The following MCPH1 variants were observed in gnomAD, a reference collection of about 807,000 sequenced individuals.
MCPH1 encodes microcephalin 1.
MCPH1 carries 104 observed loss-of-function variants against 84.5 expected under a neutral mutation model. The observed-to-expected ratio is 1.23, with a 90% confidence interval of 1.05 to 1.45. MCPH1 has a LOEUF of 1.45. MCPH1 is among the 40% of genes most tolerant of loss of function. The pLI is 0.00. For missense variants in MCPH1, 1,498 were observed against 1,005.7 expected (o/e 1.49, Z -6.62); for synonymous variants, 514 against 366.8 (o/e 1.40, Z -4.58).
intron 12 of MCPH1, among the ~76,000 whole-genome samples, chr8:6,583,376 AC>A (rs1235263193): frequency 1.2e-4 from 18 of 152,226 alleles, no homozygotes; most frequent in Non-Finnish European, 1.9e-4. Context: ...ACAAAAACAC[AC>A]ACAAATATTT....
chr8:6,622,520 A>T (rs1279526092), intron 13 of MCPH1, among the ~76,000 whole-genome samples: 1 of 152,190 alleles, frequency 6.6e-6, no homozygotes, highest in Non-Finnish European at 1.5e-5. Context: ...GAAATCCCAC[A>T]CCCTCCTCCA....
chr8:6,568,715 C>G (rs1311224253), intron 12 of MCPH1, among the ~76,000 whole-genome samples: 1 of 152,220 alleles, frequency 6.6e-6, no homozygotes, highest in Non-Finnish European at 1.5e-5. Context: ...TTTGTGCTGA[C>G]ATCGTTTTCC....
chr8:6,581,601 A>T (rs1827571538), intron 12 of MCPH1, among the ~76,000 whole-genome samples: 1 of 152,334 alleles, frequency 6.6e-6, no homozygotes, highest in East Asian at 1.9e-4. Flanking sequence ...CACAGTTAGG[A>T]AGTTACATGA....
At position 6,515,947 on chromosome 8, in the gene MCPH1, G is replaced by A. The variant is rs147790525; in HGVS notation, c.2214+16018G>A. Among the ~76,000 whole-genome samples the A allele has an allele frequency of 3.6e-3, 544 of 152,298 alleles. 4 individuals carry two copies. The highest frequency in any genetic ancestry group is 0.011 in the African/African-American group (459 of 41,568). On this transcript the variant is annotated intron_variant, in intron 12 of 13. Transcript: ENST00000344683. ...ATGAGGAAAGAGGGGTGCAGAGGAA[G>A]TGCAGTGGCTGCCTGATGCCTCATT...
chr8:6,536,056 C>CA (rs1563084857), intron 12 of MCPH1, among the ~76,000 whole-genome samples: 1 of 150,580 alleles, frequency 6.6e-6, no homozygotes. Flanking sequence ...GACCTTGTCT[C>CA]AAAAAAAGAA....
rs374793979 is a variant in MCPH1 at position 6,444,390 on chromosome 8, C to T, written c.671-3C>T. 2.4e-5 allele frequency: 38 copies of T among 1,613,874 alleles called. No homozygotes were observed. The highest frequency in any genetic ancestry group is 2.8e-5 in the Non-Finnish European group (33 of 1,179,988). On this transcript the variant is annotated splice_polypyrimidine_tract_variant and splice_region_variant and intron_variant, in intron 7 of 13. Transcript: ENST00000344683. ...AAGTTAGCTCTCCGTTAATGTTTTC[C>T]AGATGAATACTTTGCTGGTGGCTTA...
chr8:6,631,286 A>G (rs1258795122), intron 13 of MCPH1, among the ~76,000 whole-genome samples: 1 of 152,276 alleles, frequency 6.6e-6, no homozygotes, highest in Non-Finnish European at 1.5e-5. Context: ...GGCACAGCTC[A>G]TGAAAGCCAC....
At position 6,520,136 on chromosome 8, in the gene MCPH1, A is replaced by T. The variant is rs567105951; in HGVS notation, c.2214+20207A>T. On this transcript the variant is annotated intron_variant, in intron 12 of 13. Coordinates refer to ENST00000344683, the MANE Select transcript of MCPH1 (RefSeq NM_024596.5). ...GCTGTACCACTTTTTTAACCTTTCTAGAAAGTTTCCTTTCAGCCTGTTTTC... is the reference window on the plus strand; with the variant it reads ...GCTGTACCACTTTTTTAACCTTTCTTGAAAGTTTCCTTTCAGCCTGTTTTC... 3.3e-5 allele frequency: 29 copies of T among 889,768 alleles called. No homozygotes were observed. In the East Asian group the frequency reaches 7.6e-4, roughly 23 times the overall value. 55.1% of individuals were successfully genotyped at this position (889,768 alleles called of 1,614,324 possible).
chr8:6,576,498 T>TCCCTTTCCCTTCCCCTTC (rs1554462025), intron 12 of MCPH1, among the ~76,000 whole-genome samples: 3 of 139,712 alleles, frequency 2.1e-5, no homozygotes, highest in East Asian at 2.2e-4. Flanking sequence ...CTTTTCCCTT[T>TCCCTTTCCCTTCCCCTTC]CCCTTCCCCT....
chr8:6,619,341 A>G (rs1465672260), intron 12 of MCPH1: 2 of 152,326 alleles, frequency 1.3e-5, no homozygotes, highest in East Asian at 3.8e-4. Flanking sequence ...CCCAGGCTGG[A>G]GCGCAGTGGC....
At chr8:6,526,539 G>C (rs913739667) in intron 12 of MCPH1, among the ~76,000 whole-genome samples, 2 of 152,104 alleles carry the variant, frequency 1.3e-5, no homozygotes, top group African/African-American at 4.8e-5. Flanking sequence ...TCTGAAACAT[G>C]AAAGAAAAAT....
At chr8:6,509,353 A>G (rs1219092058) in intron 12 of MCPH1, among the ~76,000 whole-genome samples, 3 of 152,224 alleles carry the variant, frequency 2.0e-5, no homozygotes, top group African/African-American at 7.2e-5. Flanking sequence ...GCTTTCAGAT[A>G]AACAGAAGAG....
intron 4 of MCPH1, among the ~76,000 whole-genome samples, chr8:6,435,594 A>C (rs1335104250): frequency 1.3e-5 from 2 of 152,124 alleles, no homozygotes; most frequent in Non-Finnish European, 2.9e-5. Flanking sequence ...TCCTTGGTCT[A>C]AGTGCTTAGG....
intron 13 of MCPH1, among the ~76,000 whole-genome samples, chr8:6,627,488 T>C (rs1163983734): frequency 1.3e-5 from 2 of 152,230 alleles, no homozygotes; most frequent in African/African-American, 4.8e-5. Flanking sequence ...AGAATTATTT[T>C]TCCTTTGAGT....
At position 6,645,713 on chromosome 8, in the gene MCPH1, AT is replaced by A. The variant is rs1241598842; in HGVS notation, c.*2666del. On this transcript the variant is annotated 3_prime_UTR_variant, in exon 14 of 14. Transcript: ENST00000344683. ...AAAGATTATATACAAACCTAACAGA[AT>A]TGTATTTATATATACTGTCAATAAG... is the stretch of plus-strand genomic sequence containing the variant. 6.6e-6 allele frequency: 1 copy of A among 151,992 alleles called. No individual in the cohort carries two copies. The highest frequency in any genetic ancestry group is 1.5e-5 in the Non-Finnish European group (1 of 68,002). The allele number at this position is 151,992 out of a possible 1,614,324, so 9.4% of individuals were successfully genotyped here.
chr8:6,409,834 G>C (rs1284382790), intron 2 of MCPH1, among the ~76,000 whole-genome samples: 1 of 152,180 alleles, frequency 6.6e-6, no homozygotes, highest in African/African-American at 2.4e-5. Flanking sequence ...CCCATGTCAG[G>C]CATGGTTAGG....
intron 12 of MCPH1, among the ~76,000 whole-genome samples, chr8:6,605,606 G>T (rs1420101159): frequency 2.0e-5 from 3 of 152,252 alleles, no homozygotes; most frequent in Non-Finnish European, 2.9e-5. Flanking sequence ...AAGCAGGGAT[G>T]AAGTCAGTGG....
chr8:6,431,085 A>C (rs1372594738), intron 3 of MCPH1, among the ~76,000 whole-genome samples: 4 of 152,188 alleles, frequency 2.6e-5, no homozygotes, highest in Admixed American at 2.6e-4. Context: ...CCAATTTTGG[A>C]GGAAAGAGAT....
intron 3 of MCPH1, among the ~76,000 whole-genome samples, chr8:6,425,703 A>G (rs1800959414): frequency 6.6e-6 from 1 of 152,184 alleles, no homozygotes; most frequent in Non-Finnish European, 1.5e-5. Flanking sequence ...CTGCTAACTT[A>G]AAGAATACTT....
Sources: gnomAD v4.1 joint callset for allele counts (sites outside exome capture counted in the v4.1 genomes callset) on GRCh38, gnomAD v4.1.1 for gene constraint, MANE v1.5 for transcripts, NCBI Gene and HGNC (gene_info 2026-07-23, HGNC 2026-07-21) for gene names.